NCKAP5: variants seen among roughly 807,000 people sequenced by gnomAD.
NCKAP5 encodes nck-associated protein 5.
In NCKAP5, 92 loss-of-function variants were observed where a neutral mutation model predicts 167.0. The observed-to-expected ratio is 0.55, with a 90% CI of 0.47 to 0.66. NCKAP5 has a LOEUF of 0.66. Ranked by LOEUF, NCKAP5 falls within the 30% of genes least tolerant of loss-of-function variation. NCKAP5 has a pLI of 0.00. For missense variants in NCKAP5, 2,378 were observed against 2,315.0 expected (o/e 1.03, Z -0.56); for synonymous variants, 891 against 877.4 (o/e 1.02, Z -0.27).
At chr2:133,323,953 T>TC (rs1272319783) in intron 3 of NCKAP5, among the ~76,000 whole-genome samples, 1 of 152,136 alleles carries the variant, frequency 6.6e-6, no homozygotes, top group Non-Finnish European at 1.5e-5. Context: ...CCCAAGAAAT[T>TC]CCCCAAAACT....
At chr2:133,602,795 T>C in the NCKAP5 span, among the ~76,000 whole-genome samples, 1 of 152,128 alleles carries the variant, frequency 6.6e-6, no homozygotes. Context: ...GGAGGGAAGT[T>C]AACCCAGTCT....
chr2:132,755,612 T>C (rs1225270508), intron 16 of NCKAP5, among the ~76,000 whole-genome samples: 1 of 151,826 alleles, frequency 6.6e-6, no homozygotes, highest in Non-Finnish European at 1.5e-5. Flanking sequence ...GGGCAGATCA[T>C]GAGGTCAAGA....
chr2:133,223,027 A>T (rs1438389525), intron 4 of NCKAP5, among the ~76,000 whole-genome samples: 1 of 152,154 alleles, frequency 6.6e-6, no homozygotes, highest in Non-Finnish European at 1.5e-5. Flanking sequence ...CCAGGAACAC[A>T]TTGAATTCCA....
intron 9 of NCKAP5, among the ~76,000 whole-genome samples, chr2:132,876,301 T>C (rs1691269220): frequency 6.6e-6 from 1 of 152,132 alleles, no homozygotes; most frequent in South Asian, 2.1e-4. Flanking sequence ...TCTCCCTGTG[T>C]TGCCCAGACC....
chr2:132,938,959 A>C (rs181595125), intron 8 of NCKAP5, among the ~76,000 whole-genome samples: 279 of 152,254 alleles, frequency 1.8e-3, no homozygotes, highest in African/African-American at 6.0e-3. Flanking sequence ...TTCATTTTTT[A>C]GAGGTTTTCA....
chr2:132,830,375 A>G (rs530359669), intron 11 of NCKAP5, among the ~76,000 whole-genome samples: 49 of 152,062 alleles, frequency 3.2e-4, no homozygotes, highest in African/African-American at 9.7e-4. Flanking sequence ...GATTATGCTC[A>G]GAGTCTAAGG....
intron 15 of NCKAP5, among the ~76,000 whole-genome samples, chr2:132,776,866 G>A (rs932787569): frequency 1.3e-5 from 2 of 152,088 alleles, no homozygotes; most frequent in African/African-American, 4.8e-5. Flanking sequence ...GGGAGTAAGA[G>A]GGCTGCCAGG....
chr2:132,762,772 AGGGTCT>A (rs1327120420), intron 16 of NCKAP5, among the ~76,000 whole-genome samples: 1 of 152,192 alleles, frequency 6.6e-6, no homozygotes, highest in African/African-American at 2.4e-5. Context: ...TCATTCTTTT[AGGGTCT>A]GGGGGTACTA....
At chr2:132,899,885 A>G (rs2148905315) in intron 8 of NCKAP5, among the ~76,000 whole-genome samples, 1 of 152,258 alleles carries the variant, frequency 6.6e-6, no homozygotes, top group East Asian at 1.9e-4. Context: ...AAACAAACAA[A>G]CAAACAAAAA....
At chr2:133,484,889 T>C (rs1368076301) in intron 3 of NCKAP5, among the ~76,000 whole-genome samples, 1 of 152,234 alleles carries the variant, frequency 6.6e-6, no homozygotes, top group Non-Finnish European at 1.5e-5. Context: ...CATGGTATAA[T>C]GACAACCCTA....
intron 6 of NCKAP5, among the ~76,000 whole-genome samples, chr2:133,033,768 G>A (rs1256585651): frequency 6.6e-6 from 1 of 151,900 alleles, no homozygotes; most frequent in Non-Finnish European, 1.5e-5. Context: ...TGGTCAAGCA[G>A]AAGAAAGAAC....
At chr2:133,079,356 C>A (rs2080726167) in intron 6 of NCKAP5, among the ~76,000 whole-genome samples, 1 of 152,030 alleles carries the variant, frequency 6.6e-6, no homozygotes. Context: ...TCTTAGTAAG[C>A]CAAAATTAAC....
rs78715027 is a variant in NCKAP5, at chr2:133,249,839, T to C, written c.144-36060A>G. Among the ~76,000 whole-genome samples the C allele has an allele frequency of 2.7e-3, 417 of 152,092 alleles. 2 individuals are homozygous for C. The highest frequency in any genetic ancestry group is 8.7e-3 in the African/African-American group (362 of 41,486). On this transcript the variant is annotated intron_variant, in intron 4 of 19. Coordinates refer to ENST00000409261, the MANE Select transcript of NCKAP5 (RefSeq NM_207363.3). Reference sequence around the variant, plus strand: ...TTGGGAAGGGCCCTAACCTAGTCTTTGGAGGAAGGAGGTTGAAGCTAAGTC... The same window carrying C: ...TTGGGAAGGGCCCTAACCTAGTCTTCGGAGGAAGGAGGTTGAAGCTAAGTC...
At chr2:133,062,331 A>G (rs1005259440) in intron 6 of NCKAP5, among the ~76,000 whole-genome samples, 9 of 152,198 alleles carry the variant, frequency 5.9e-5, no homozygotes, top group African/African-American at 2.2e-4. Context: ...GTCTCCTGTT[A>G]GATAAGAGAT....
At chr2:132,818,989 TA>T in intron 11 of NCKAP5, among the ~76,000 whole-genome samples, 1 of 152,340 alleles carries the variant, frequency 6.6e-6, no homozygotes, top group Non-Finnish European at 1.5e-5. Context: ...GTTTTTCCAA[TA>T]TTTTGGCAAC....
At chr2:132,946,725 T>C (rs1558975323) in intron 8 of NCKAP5, among the ~76,000 whole-genome samples, 2 of 152,106 alleles carry the variant, frequency 1.3e-5, no homozygotes. Context: ...GACGAAACCC[T>C]GTCTCTATAA....
chr2:133,011,878 T>C (rs2078172354), intron 6 of NCKAP5, among the ~76,000 whole-genome samples: 1 of 152,206 alleles, frequency 6.6e-6, no homozygotes, highest in Admixed American at 6.5e-5. Flanking sequence ...ATTATCTCAA[T>C]TTCAAAGCCA....
At chr2:133,397,748 T>C (rs1687822140) in intron 3 of NCKAP5, among the ~76,000 whole-genome samples, 1 of 152,234 alleles carries the variant, frequency 6.6e-6, no homozygotes, top group Non-Finnish European at 1.5e-5. Flanking sequence ...AATATAAGTC[T>C]GAATGTTACA....
chr2:133,469,371 G>A (rs1349196726), intron 3 of NCKAP5, among the ~76,000 whole-genome samples: 23 of 152,130 alleles, frequency 1.5e-4, no homozygotes, highest in African/African-American at 4.6e-4. Context: ...GGTTTCTGCC[G>A]AGAGATCCGC....
Sources: allele counts gnomAD v4.1 joint callset (sites outside exome capture counted in the v4.1 genomes callset), GRCh38; gene constraint gnomAD v4.1.1; transcripts MANE v1.5; gene names NCBI Gene and HGNC (gene_info 2026-07-23, HGNC 2026-07-21).